Variants in EPG5 observed in about 807,000 individuals in gnomAD.
The protein encoded by EPG5 is ectopic P granules protein 5 homolog.
A neutral mutation model predicts 302.7 loss-of-function variants in EPG5; 159 were observed. That is an observed-to-expected ratio of 0.53 (90% CI 0.46 to 0.60). The LOEUF is 0.60. Ranked by LOEUF, EPG5 falls within the 20% of genes least tolerant of loss-of-function variation. The pLI is 0.00. For missense variants in EPG5, 2,896 were observed against 3,092.4 expected, an observed-to-expected ratio of 0.94 and a Z score of 1.51; for synonymous variants, 1,158 against 1,136.8, an observed-to-expected ratio of 1.02 and a Z score of -0.37.
chr18:45,893,605 A>G (rs962426500), intron 27 of EPG5, among the ~76,000 whole-genome samples: 7 of 151,942 alleles, frequency 4.6e-5, no homozygotes, highest in African/African-American at 1.5e-4. Flanking sequence ...CTAGCATAAT[A>G]CCAGGGACAT....
chr18:45,819,363 A>C, the EPG5 span, among the ~76,000 whole-genome samples: 1 of 152,106 alleles, frequency 6.6e-6, no homozygotes, highest in African/African-American at 2.4e-5. Context: ...TTGGCAGGCT[A>C]TTTATAAACT....
chr18:45,931,742 G>A (rs1412904099), intron 11 of EPG5, among the ~76,000 whole-genome samples: 1 of 152,040 alleles, frequency 6.6e-6, no homozygotes, highest in Non-Finnish European at 1.5e-5. Flanking sequence ...GACTGACGCA[G>A]GAGAATCACT....
chr18:45,919,251 C>G (rs1000630267), intron 16 of EPG5, among the ~76,000 whole-genome samples: 1 of 152,158 alleles, frequency 6.6e-6, no homozygotes, highest in Non-Finnish European at 1.5e-5. Context: ...TACACCTAAT[C>G]CCAAATGCCC....
chr18:45,866,070 T>C (rs1245597140), intron 38 of EPG5, among the ~76,000 whole-genome samples: 1 of 152,002 alleles, frequency 6.6e-6, no homozygotes, highest in Non-Finnish European at 1.5e-5. Context: ...AACTTTTATG[T>C]TCATTATCGA....
At chr18:45,904,196 G>A in intron 24 of EPG5, 79 bp from the exon 25 acceptor site, 2 of 1,503,994 alleles carry the variant, frequency 1.3e-6, no homozygotes, top group Non-Finnish European at 1.8e-6. Context: ...TAACTATAAA[G>A]TGAACCAGTA....
chr18:45,931,295 T>C (rs1008747576), intron 11 of EPG5, among the ~76,000 whole-genome samples: 3 of 152,114 alleles, frequency 2.0e-5, no homozygotes, highest in African/African-American at 7.2e-5. Flanking sequence ...AAATAGGGCA[T>C]TCCAAAAAAA....
chr18:45,840,244 A>T, the EPG5 span: 1 of 1,611,754 alleles, frequency 6.2e-7, no homozygotes, highest in Admixed American at 1.7e-5. Flanking sequence ...CCACCACGGT[A>T]AGTGAGCTCC....
Position 45,955,275 on chromosome 18 carries a change from A to G in EPG5, c.127T>C (p.Ser43Pro). Residue 43 changes from serine (S) to proline (P), a missense_variant, in exon 2 of 44, where the codon TCC becomes CCC. Around this residue, in one of 5 missense-constraint regions of EPG5, gnomAD observed 1,390 missense variants for 1,430.0 expected, o/e 0.97. Transcript: ENST00000282041. ...AGAGAAGGGATTTCCTGCTCTCTGGAGGTTTTTGGAAGGGAGACTTCACTG... is the reference window on the plus strand; with the variant it reads ...AGAGAAGGGATTTCCTGCTCTCTGGGGGTTTTTGGAAGGGAGACTTCACTG... ...ESSEVSLPKT[S>P]REQEIPSLAC... The G allele has an allele frequency of 6.2e-7, 1 of 1,613,888 alleles. No individual in the cohort carries two copies. The highest frequency in any genetic ancestry group is 1.1e-5 in the South Asian group (1 of 91,050).
downstream of EPG5, among the ~76,000 whole-genome samples, chr18:45,845,231 G>A (rs539360384): frequency 6.6e-6 from 1 of 152,236 alleles, no homozygotes; most frequent in African/African-American, 2.4e-5. Context: ...TTTTGAAGAG[G>A]GCTTCTTGGG....
intron 16 of EPG5, among the ~76,000 whole-genome samples, chr18:45,919,483 C>T (rs1187152323): frequency 2.0e-5 from 3 of 151,332 alleles, no homozygotes; most frequent in Non-Finnish European, 4.4e-5. Context: ...AGAATCACGT[C>T]AGACACTGTT....
In EPG5 at chr18:45,850,333, CG is replaced by C. The variant is rs1370034357; in HGVS notation, c.*2133del. On this transcript the variant is annotated 3_prime_UTR_variant, in exon 44 of 44. Coordinates refer to ENST00000282041, the MANE Select transcript of EPG5 (RefSeq NM_020964.3). ...CTCATTACCCCTGCAAGCCAACAGG[CG>C]GGCTGGTCTCTCTGCCGCCCTTCTT... 6.6e-6 allele frequency: 1 copy of C among 152,252 alleles called. No individual in the cohort carries two copies. The highest frequency in any genetic ancestry group is 1.5e-5 in the Non-Finnish European group (1 of 68,084). The allele number at this position is 152,252 out of a possible 1,614,324, so 9.4% of individuals were successfully genotyped here.
At chr18:45,960,085 C>T (rs2051116443) in intron 1 of EPG5, among the ~76,000 whole-genome samples, 1 of 152,098 alleles carries the variant, frequency 6.6e-6, no homozygotes, top group South Asian at 2.1e-4. Flanking sequence ...TTGAGACCAG[C>T]CTGGGCAACA....
chr18:45,852,602 T>A lies in EPG5; in HGVS notation c.7605A>T (p.Glu2535Asp). ...ESMASSKQYV[E>D]YQDQILQATQ... Reference sequence around the variant, plus strand: ...TGGCTTGCAATATTTGATCCTGGTATTCAACATACTGCTTACTTGATGCCA... The same window carrying A: ...TGGCTTGCAATATTTGATCCTGGTAATCAACATACTGCTTACTTGATGCCA... Residue 2535 changes from glutamate to aspartate, a missense_variant, in exon 44 of 44, where the codon GAA becomes GAT. Glu to Asp is a conservative substitution (Grantham distance 45). This residue lies in a region of EPG5 where 620 missense variants were observed against 704.2 expected (regional missense o/e 0.88). Transcript: ENST00000282041. 4 of 1,614,192 alleles carry A rather than the reference T, an allele frequency of 2.5e-6. No individual in the cohort carries two copies. The highest frequency in any genetic ancestry group is 3.4e-6 in the Non-Finnish European group (4 of 1,180,036).
chr18:45,962,280 T>C (rs1213143716), intron 1 of EPG5, among the ~76,000 whole-genome samples: 2 of 152,222 alleles, frequency 1.3e-5, no homozygotes, highest in Non-Finnish European at 2.9e-5. Flanking sequence ...ACAAGGGGGA[T>C]GGAGATTCAA....
chr18:45,937,770 A>G (rs1450580069), intron 10 of EPG5, among the ~76,000 whole-genome samples: 2 of 152,188 alleles, frequency 1.3e-5, no homozygotes, highest in Non-Finnish European at 2.9e-5. Flanking sequence ...TTGAAGGGAT[A>G]GCTATTGCCA....
At chr18:45,829,707 A>G in the EPG5 span, among the ~76,000 whole-genome samples, 1 of 152,016 alleles carries the variant, frequency 6.6e-6, no homozygotes, top group Non-Finnish European at 1.5e-5. Flanking sequence ...GGCTCCTCAT[A>G]CTGGCCACTC....
chr18:45,813,659 A>G, the EPG5 span, among the ~76,000 whole-genome samples: 151,176 of 152,070 alleles, frequency 0.99, 75,150 homozygotes, highest in Middle Eastern at 1. Context: ...GCAAACTCTC[A>G]CAAGGACAAA....
chr18:45,872,562 G>C (rs1244878174), intron 35 of EPG5, among the ~76,000 whole-genome samples: 1 of 152,138 alleles, frequency 6.6e-6, no homozygotes, highest in African/African-American at 2.4e-5. Flanking sequence ...AAATTAGCCA[G>C]GTGTGGTGGC....
intron 9 of EPG5, among the ~76,000 whole-genome samples, chr18:45,940,374 G>A (rs1371573384): frequency 6.6e-6 from 1 of 152,186 alleles, no homozygotes; most frequent in Non-Finnish European, 1.5e-5. Flanking sequence ...GCACAGTAGG[G>A]TCCTGGGCAG....
Sources: gnomAD v4.1 joint callset for allele counts (sites outside exome capture counted in the v4.1 genomes callset) on GRCh38, gnomAD v4.1.1 for gene constraint, gnomAD v4.1.1 regional missense constraint, MANE v1.5 for transcripts, NCBI Gene and HGNC (gene_info 2026-07-23, HGNC 2026-07-21) for gene names.